TNS3: variants seen among roughly 807,000 people sequenced by gnomAD.
TNS3 encodes tensin-3.
TNS3 carries 45 observed loss-of-function variants against 140.9 expected under a neutral mutation model. The observed-to-expected ratio is 0.32, with a 90% CI of 0.25 to 0.41. The LOEUF (loss-of-function observed/expected upper bound fraction) is 0.41, where lower values mean the gene tolerates loss of function less well. Ranked by LOEUF, TNS3 falls within the 10% of genes least tolerant of loss-of-function variation. The pLI is 1.00. For synonymous variants in TNS3, 815 were observed against 788.4 expected (o/e 1.03, Z -0.56); for missense variants, 1,716 against 1,906.7 (o/e 0.90, Z 1.86).
At chr7:47,400,536 C>G in intron 14 of TNS3, 78 bp from the exon 15 acceptor site, 1 of 1,449,228 alleles carries the variant, frequency 6.9e-7, no homozygotes. Context: ...GTCCTTTATT[C>G]CAACCAGTAC....
At chr7:47,415,592 A>G (rs1016579733) in intron 10 of TNS3, among the ~76,000 whole-genome samples, 1 of 152,226 alleles carries the variant, frequency 6.6e-6, no homozygotes, top group Admixed American at 6.5e-5. Context: ...TGTCACTAGC[A>G]TTGCACCTAT....
chr7:47,542,033 T>A (rs1231157909), intron 1 of TNS3, among the ~76,000 whole-genome samples: 1 of 150,532 alleles, frequency 6.6e-6, no homozygotes, highest in Non-Finnish European at 1.5e-5. Context: ...AGCGTAAAGG[T>A]CTCAGCTTCC....
At chr7:47,567,382 C>A (rs1478640702) in intron 1 of TNS3, among the ~76,000 whole-genome samples, 1 of 152,140 alleles carries the variant, frequency 6.6e-6, no homozygotes, top group Non-Finnish European at 1.5e-5. Flanking sequence ...CAAGGCCATT[C>A]ACAATCACTT....
chr7:47,450,689 C>G (rs536008707), intron 4 of TNS3, among the ~76,000 whole-genome samples: 205 of 152,326 alleles, frequency 1.3e-3, no homozygotes, highest in African/African-American at 4.5e-3. Context: ...TAGCTACAGC[C>G]CAGGCTGGCC....
chr7:47,569,705 T>C (rs1800509873), intron 1 of TNS3, among the ~76,000 whole-genome samples: 2 of 147,626 alleles, frequency 1.4e-5, no homozygotes, highest in African/African-American at 5.1e-5. Context: ...AATACAAAAA[T>C]TAGCTGGGCG....
At chr7:47,359,867 C>A (rs1345675086) in intron 17 of TNS3, among the ~76,000 whole-genome samples, 3 of 152,106 alleles carry the variant, frequency 2.0e-5, no homozygotes, top group Non-Finnish European at 4.4e-5. Flanking sequence ...ATGTAGCTAT[C>A]ACGGGCAGTG....
chr7:47,439,170 G>A (rs973029617), intron 6 of TNS3, among the ~76,000 whole-genome samples: 15 of 152,334 alleles, frequency 9.8e-5, no homozygotes, highest in Admixed American at 8.5e-4. Context: ...TGCAGCATGG[G>A]AGCGCAAGGG....
intron 4 of TNS3, among the ~76,000 whole-genome samples, chr7:47,458,125 T>C (rs942605148): frequency 6.6e-6 from 1 of 152,242 alleles, no homozygotes; most frequent in African/African-American, 2.4e-5. Flanking sequence ...TGGGTGATCT[T>C]ACTCAATTTC....
chr7:47,307,062 T>C (rs1786801601), intron 20 of TNS3, among the ~76,000 whole-genome samples: 1 of 152,188 alleles, frequency 6.6e-6, no homozygotes, highest in South Asian at 2.1e-4. Flanking sequence ...AAAAACTGGA[T>C]ATGCTTAAAG....
At chr7:47,497,643 TAC>T (rs1798059973) in intron 3 of TNS3, among the ~76,000 whole-genome samples, 1 of 144,660 alleles carries the variant, frequency 6.9e-6, no homozygotes, top group Non-Finnish European at 1.5e-5. Flanking sequence ...ATTCGCCTAG[TAC>T]AGAGTTTCAC....
At chr7:47,487,591 A>C (rs987333222) in intron 3 of TNS3, among the ~76,000 whole-genome samples, 1 of 152,156 alleles carries the variant, frequency 6.6e-6, no homozygotes, top group Non-Finnish European at 1.5e-5. Flanking sequence ...CCGAATGCAA[A>C]TCCGTGGGAC....
intron 1 of TNS3, among the ~76,000 whole-genome samples, chr7:47,560,674 C>A (rs1800303296): frequency 1.3e-5 from 2 of 152,166 alleles, no homozygotes; most frequent in African/African-American, 4.8e-5. Context: ...CAAATGACCC[C>A]CTTTCCAGGG....
intron 27 of TNS3, 121 bp downstream of exon 27, chr7:47,291,834 C>T: frequency 1.8e-6 from 2 of 1,113,612 alleles, no homozygotes; most frequent in Non-Finnish European, 2.6e-6. Context: ...AAAAGGAAAC[C>T]TCCTTCAAGG....
chr7:47,552,690 T>C (rs1429825278), intron 1 of TNS3, among the ~76,000 whole-genome samples: 1 of 152,222 alleles, frequency 6.6e-6, no homozygotes, highest in African/African-American at 2.4e-5. Context: ...GGACTGCTCT[T>C]TCCCTCTCCT....
At chr7:47,388,017 C>G (rs539713168) in intron 16 of TNS3, among the ~76,000 whole-genome samples, 1 of 152,368 alleles carries the variant, frequency 6.6e-6, no homozygotes, top group South Asian at 2.1e-4. Flanking sequence ...AGCCCTGCCT[C>G]TTCCAGGCAA....
chr7:47,507,105 G>C (rs188345223), intron 2 of TNS3, among the ~76,000 whole-genome samples, 161 bp from the exon 3 acceptor site: 21 of 152,324 alleles, frequency 1.4e-4, no homozygotes, highest in Admixed American at 1.1e-3. Context: ...ACACACGGCA[G>C]TGTGGACAGA....
intron 1 of TNS3, among the ~76,000 whole-genome samples, chr7:47,544,526 C>T (rs1799870716): frequency 6.6e-6 from 1 of 152,152 alleles, no homozygotes. Context: ...TTCACCCATT[C>T]TGCCATGGGA....
intron 4 of TNS3, among the ~76,000 whole-genome samples, chr7:47,447,248 ATGTTTGTT>A (rs3037478): frequency 0.027 from 3,956 of 149,162 alleles, 95 homozygotes; most frequent in African/African-American, 0.072. Flanking sequence ...GGTTCCACAT[ATGTTTGTT>A]TGTTTGTTTG....
intron 2 of TNS3, among the ~76,000 whole-genome samples, chr7:47,509,415 C>T (rs139483324): frequency 2.6e-5 from 4 of 152,228 alleles, no homozygotes; most frequent in Admixed American, 6.5e-5. Context: ...TCAATCTATC[C>T]GTGGCCCAGC....
Sources: allele counts gnomAD v4.1 joint callset (sites outside exome capture counted in the v4.1 genomes callset), GRCh38; gene constraint gnomAD v4.1.1; transcripts MANE v1.5; gene names NCBI Gene and HGNC (gene_info 2026-07-23, HGNC 2026-07-21).